The following SLX4IP variants were observed in gnomAD, a reference collection of about 807,000 sequenced individuals.
SLX4IP encodes the protein protein SLX4IP.
In SLX4IP, 34 loss-of-function variants were observed where a neutral mutation model predicts 32.9. The ratio of observed to expected loss-of-function variants is 1.03; its 90% CI spans 0.79 to 1.38. SLX4IP has a LOEUF of 1.38. Among genes scored for constraint, SLX4IP ranks in the 40% most tolerant of loss-of-function variants. The pLI is 0.00. For synonymous variants in SLX4IP, 172 were observed against 171.7 expected, an observed-to-expected ratio of 1.00 and a Z score of -0.01; for missense variants, 444 against 479.0, an observed-to-expected ratio of 0.93 and a Z score of 0.68.
In SLX4IP at chr20:10,494,998, A is replaced by G. The variant is rs6039987; in HGVS notation, c.27+36767A>G. On this transcript the variant is annotated intron_variant, in intron 2 of 7. Coordinates refer to ENST00000334534, the MANE Select transcript of SLX4IP (RefSeq NM_001009608.3). ...TAAATTTCAAATGTCTCACCACAAA[A>G]AAAGACAAGTGAGATGATAGATATG... Among the ~76,000 whole-genome samples the G allele has an allele frequency of 7.6e-3, 1,158 of 152,302 alleles. 17 individuals are homozygous for G. Among genetic ancestry groups the G allele is most frequent in the African/African-American group, 0.026 (1,094 of 41,560 alleles).
Position 10,625,991 on chromosome 20 carries a change from G to A in SLX4IP, c.*2612G>A, listed in dbSNP as rs1432148267. ...ATGAAGAGTTCTCACTGTTGGGAAT[G>A]GTATGTGTTTTGACATTCTTTTTTT... On this transcript the variant is annotated 3_prime_UTR_variant, in exon 8 of 8. Transcript: ENST00000334534. The A allele has an allele frequency of 6.7e-6, 1 of 149,766 alleles. No individual in the cohort carries two copies. Among genetic ancestry groups the A allele is most frequent in the Non-Finnish European group, 1.5e-5 (1 of 67,550 alleles). 9.3% of individuals were successfully genotyped at this position (149,766 alleles called of 1,614,324 possible). A position where few individuals can be genotyped will look rare whatever the true frequency, so the allele number is the denominator to read the frequency against.
At chr20:10,581,878 C>T (rs151085629) in intron 4 of SLX4IP, among the ~76,000 whole-genome samples, 168 of 152,240 alleles carry the variant, frequency 1.1e-3, no homozygotes, top group Middle Eastern at 0.01. Flanking sequence ...GCTATGATCA[C>T]GCCACTGTCC....
intron 2 of SLX4IP, among the ~76,000 whole-genome samples, chr20:10,539,647 G>C (rs1397762640): frequency 6.6e-6 from 1 of 152,136 alleles, no homozygotes; most frequent in African/African-American, 2.4e-5. Flanking sequence ...GAAAGTTATG[G>C]AATTTACTTA....
At chr20:10,468,730 T>G (rs1278327486) in intron 2 of SLX4IP, among the ~76,000 whole-genome samples, 1 of 152,234 alleles carries the variant, frequency 6.6e-6, no homozygotes, top group Non-Finnish European at 1.5e-5. Context: ...CCCATATTGA[T>G]TTCTCTCTTG....
chr20:10,460,749 G>C (rs1426916074), intron 2 of SLX4IP, among the ~76,000 whole-genome samples: 2 of 152,186 alleles, frequency 1.3e-5, no homozygotes, highest in Non-Finnish European at 2.9e-5. Context: ...GACTTGAGAA[G>C]CAGTATTTTC....
chr20:10,543,892 C>G (rs2066136132), intron 2 of SLX4IP, among the ~76,000 whole-genome samples: 1 of 152,194 alleles, frequency 6.6e-6, no homozygotes. Flanking sequence ...AGAATATTGT[C>G]AAAGAAGAAA....
chr20:10,528,674 AGAG>A (rs2065959778), intron 2 of SLX4IP, among the ~76,000 whole-genome samples: 1 of 152,206 alleles, frequency 6.6e-6, no homozygotes, highest in Non-Finnish European at 1.5e-5. Flanking sequence ...CCAGGCCAAC[AGAG>A]GAGGGCCTAG....
At chr20:10,506,360 C>T (rs895464544) in intron 2 of SLX4IP, among the ~76,000 whole-genome samples, 1 of 152,202 alleles carries the variant, frequency 6.6e-6, no homozygotes, top group Non-Finnish European at 1.5e-5. Flanking sequence ...GATTACAATG[C>T]AGTTTCTTTA....
intron 2 of SLX4IP, among the ~76,000 whole-genome samples, chr20:10,522,771 A>G (rs1166322635): frequency 6.6e-6 from 1 of 152,138 alleles, no homozygotes; most frequent in Non-Finnish European, 1.5e-5. Context: ...CTGTTCATCC[A>G]TCGATGCCAC....
At chr20:10,443,299 C>T (rs940813417) in intron 1 of SLX4IP, among the ~76,000 whole-genome samples, 2 of 152,146 alleles carry the variant, frequency 1.3e-5, no homozygotes, top group African/African-American at 2.4e-5. Flanking sequence ...ACTTTTAATG[C>T]ATAACAGTGC....
chr20:10,453,106 T>A (rs1289373124), intron 1 of SLX4IP, among the ~76,000 whole-genome samples: 2 of 152,198 alleles, frequency 1.3e-5, no homozygotes, highest in Non-Finnish European at 2.9e-5. Context: ...CATAATATTG[T>A]TTAGGTCAGG....
intron 2 of SLX4IP, among the ~76,000 whole-genome samples, chr20:10,489,280 T>G (rs960892026): frequency 2.3e-4 from 35 of 152,286 alleles, no homozygotes; most frequent in African/African-American, 8.4e-4. Flanking sequence ...GACATTGTAC[T>G]TGGTGCTGTC....
intron 2 of SLX4IP, among the ~76,000 whole-genome samples, chr20:10,515,934 G>A (rs1000809719): frequency 2.0e-5 from 3 of 152,124 alleles, no homozygotes; most frequent in African/African-American, 7.2e-5. Flanking sequence ...TGTTACCTGG[G>A]TTGGAGTACA....
At chr20:10,438,096 G>T (rs529469519) in intron 1 of SLX4IP, among the ~76,000 whole-genome samples, 2 of 152,088 alleles carry the variant, frequency 1.3e-5, no homozygotes, top group Non-Finnish European at 2.9e-5. Flanking sequence ...GGGCTTTAAG[G>T]TTTTGTTTAT....
At position 10,544,917 on chromosome 20, in the gene SLX4IP, T is replaced by C. The variant is rs556526948; in HGVS notation, c.28-11314T>C. On this transcript the variant is annotated intron_variant, in intron 2 of 7. Coordinates refer to ENST00000334534, the MANE Select transcript of SLX4IP (RefSeq NM_001009608.3). ...TCTACAGAGAATGCTATGAGTATTC[T>C]TCCAGGATACAAGGGGGCCTGTAGC... 9.9e-5 allele frequency among the ~76,000 whole-genome samples: 15 copies of C among 152,258 alleles called. No homozygotes were observed. In the East Asian group the frequency reaches 2.9e-3, roughly 29 times the overall value.
intron 2 of SLX4IP, among the ~76,000 whole-genome samples, chr20:10,472,478 C>T (rs905852869): frequency 1.3e-5 from 2 of 152,142 alleles, no homozygotes; most frequent in African/African-American, 4.8e-5. Flanking sequence ...GATCTGCGTG[C>T]CTTGGACTCC....
chr20:10,444,200 T>C (rs541788332), intron 1 of SLX4IP, among the ~76,000 whole-genome samples: 1 of 50,258 alleles, frequency 2.0e-5, no homozygotes, highest in African/African-American at 4.7e-5. Flanking sequence ...TAAGAGGCTG[T>C]AGTTGTAGGG....
chr20:10,543,698 G>A (rs950726068), intron 2 of SLX4IP, among the ~76,000 whole-genome samples: 4 of 152,216 alleles, frequency 2.6e-5, no homozygotes, highest in African/African-American at 9.7e-5. Flanking sequence ...TGGTGCTGAG[G>A]TAAAGTAGTA....
chr20:10,470,860 T>G (rs1048854220), intron 2 of SLX4IP, among the ~76,000 whole-genome samples: 3 of 152,228 alleles, frequency 2.0e-5, no homozygotes, highest in Admixed American at 2.0e-4. Context: ...ATTTAGATCA[T>G]CAAGTCTTTG....
Sources: gnomAD v4.1 joint callset for allele counts (sites outside exome capture counted in the v4.1 genomes callset) on GRCh38, gnomAD v4.1.1 for gene constraint, MANE v1.5 for transcripts, NCBI Gene and HGNC (gene_info 2026-07-23, HGNC 2026-07-21) for gene names.